TGFB1: variants seen among roughly 807,000 people sequenced by gnomAD.
TGFB1 encodes transforming growth factor beta-1 proprotein.
In TGFB1, 19 loss-of-function variants were observed where a neutral mutation model predicts 43.8. The ratio of observed to expected loss-of-function variants is 0.43; its 90% CI spans 0.30 to 0.64. The LOEUF is 0.64. Among genes scored for constraint, TGFB1 ranks in the 30% least tolerant of loss-of-function variants. The probability of loss-of-function intolerance (pLI) is 0.11; values close to 1 mark genes in which losing one functional copy is unlikely to be tolerated. For missense variants in TGFB1, 445 were observed against 529.8 expected, an observed-to-expected ratio of 0.84 and a Z score of 1.57; for synonymous variants, 221 against 236.3, an observed-to-expected ratio of 0.94 and a Z score of 0.60.
intron 1 of TGFB1, 62 bp downstream of exon 1, chr19:41,352,628 C>T: frequency 6.3e-7 from 1 of 1,582,616 alleles, no homozygotes; most frequent in Non-Finnish European, 8.6e-7. Context: ...CTACCCGTGG[C>T]CCCGGCACTC....
chr19:41,342,140 A>C (rs1255803768), intron 4 of TGFB1, 30 bp downstream of exon 4: 1 of 1,611,400 alleles, frequency 6.2e-7, no homozygotes, highest in South Asian at 1.1e-5. Context: ...ACACGTCACA[A>C]CTGGGCATGG....
At chr19:41,350,398 A>G (rs952455751) in intron 1 of TGFB1, among the ~76,000 whole-genome samples, 1 of 142,762 alleles carries the variant, frequency 7.0e-6, no homozygotes, top group Admixed American at 7.6e-5. Context: ...TCTGCCTCCC[A>G]GGTTCAAGCG....
rs11466331 is a variant in TGFB1 at position 41,343,590 on chromosome 19, T to G, written c.634+1157A>C. Reference sequence around the variant, plus strand: ...ACTTAGGGCGTTCCCCCATCCTGCATGCCTCCCTGTCCCAGCCTTGTCCTC... The same window carrying G: ...ACTTAGGGCGTTCCCCCATCCTGCAGGCCTCCCTGTCCCAGCCTTGTCCTC... On this transcript the variant is annotated intron_variant, in intron 3 of 6. Transcript: ENST00000221930. Among the ~76,000 whole-genome samples, 856 of 151,996 alleles carry G rather than the reference T, an allele frequency of 5.6e-3. 6 individuals carry two copies. Among genetic ancestry groups the G allele is most frequent in the African/African-American group, 0.02 (812 of 41,288 alleles).
intron 5 of TGFB1, among the ~76,000 whole-genome samples, chr19:41,333,931 G>A (rs553477822): frequency 6.6e-6 from 1 of 152,384 alleles, no homozygotes; most frequent in South Asian, 2.1e-4. Flanking sequence ...GACGCTGGAT[G>A]AGAGTTTACG....
intron 6 of TGFB1, 98 bp downstream of exon 6, chr19:41,332,030 G>T: frequency 1.4e-6 from 2 of 1,436,790 alleles, no homozygotes; most frequent in Non-Finnish European, 9.5e-7. Flanking sequence ...TCCCCATCCT[G>T]CCAACTCACC....
At position 41,349,562 on chromosome 19, in the gene TGFB1, G is replaced by C. The variant is rs2038158277; in HGVS notation, c.356-1107C>G. On this transcript the variant is annotated intron_variant, in intron 1 of 6. Coordinates refer to ENST00000221930, the MANE Select transcript of TGFB1 (RefSeq NM_000660.7). The stretch of plus-strand genomic sequence containing the variant: ...ACTTGAGGTCGGGAGTTCGAGACCA[G>C]CCTGGCCAACATGGTGAAACCCCGT... Among the ~76,000 whole-genome samples, 4 of 152,282 alleles carry C rather than the reference G, an allele frequency of 2.6e-5. No individual in the cohort carries two copies. In the South Asian group the frequency reaches 8.3e-4, roughly 32 times the overall value.
In TGFB1 at chr19:41,352,743, G is replaced by A. The variant is rs866580372; in HGVS notation, c.302C>T (p.Ala101Val). Residue 101 changes from alanine (A) to valine (V), a missense_variant, in exon 1 of 7, where the codon GCC becomes GTC. By Grantham distance (64) the Ala-to-Val change is moderately conservative. Coordinates refer to ENST00000221930, the MANE Select transcript of TGFB1 (RefSeq NM_000660.7). ...GGTGACCTCCTTGGCGTAGTAGTCGGCCTCAGGCTCGGGCTCCGGTTCTGC... is the reference window on the plus strand; with the variant it reads ...GGTGACCTCCTTGGCGTAGTAGTCGACCTCAGGCTCGGGCTCCGGTTCTGC... ...ESAEPEPEPE[A>V]DYYAKEVTRV... 1.9e-6 allele frequency: 3 copies of A among 1,613,392 alleles called. No homozygotes were observed. The highest frequency in any genetic ancestry group is 1.3e-5 in the African/African-American group (1 of 74,914).
At chr19:41,332,555 G>A (rs546766092) in intron 5 of TGFB1, among the ~76,000 whole-genome samples, 5 of 152,236 alleles carry the variant, frequency 3.3e-5, no homozygotes, top group East Asian at 3.9e-4. Context: ...GACCATCCAC[G>A]GGGGGGCTAA....
Position 41,353,012 on chromosome 19 carries a change from C to A in TGFB1, c.33G>T (p.Leu11=), listed in dbSNP as rs1236348560. The change falls in exon 1 of 7, where the codon CTG becomes CTT. Residue 11 remains leucine, a synonymous_variant. Coordinates refer to ENST00000221930, the MANE Select transcript of TGFB1 (RefSeq NM_000660.7). This position sits in a 1 kb window ranked among gnomAD's most constrained non-coding sequence, Gnocchi z 5.9. ...CCAGTAGCCACAGCAGCGGTAGCAG[C>A]AGCGGCAGCAGCCGCAGCCCGGAGG... The part of the protein sequence containing the change: MPPSGLRLLP[L]LLPLLWLLVL... The A allele has an allele frequency of 6.5e-7, 1 of 1,531,800 alleles. No individual in the cohort carries two copies. Among genetic ancestry groups the A allele is most frequent in the Admixed American group, 2.0e-5 (1 of 50,654 alleles). 94.9% of individuals were successfully genotyped at this position (1,531,800 alleles called of 1,614,324 possible).
chr19:41,340,419 T>C (rs1387576852), intron 5 of TGFB1, among the ~76,000 whole-genome samples: 1 of 151,870 alleles, frequency 6.6e-6, no homozygotes, highest in Non-Finnish European at 1.5e-5. Context: ...GTAGCTGGGA[T>C]TACAGGTGCC....
intron 2 of TGFB1, among the ~76,000 whole-genome samples, chr19:41,345,834 A>G (rs2038110256): frequency 6.6e-6 from 1 of 152,020 alleles, no homozygotes; most frequent in South Asian, 2.1e-4. Context: ...CCCAAGACAC[A>G]GAGGTTGCAG....
intron 3 of TGFB1, 58 bp downstream of exon 3, chr19:41,344,689 C>A (rs543029531): frequency 1.3e-6 from 2 of 1,538,690 alleles, no homozygotes; most frequent in Non-Finnish European, 1.8e-6. Flanking sequence ...GACCCCAGGA[C>A]AAACAATGGG....
intron 3 of TGFB1, among the ~76,000 whole-genome samples, chr19:41,342,994 T>C (rs2123100474): frequency 6.6e-6 from 1 of 152,240 alleles, no homozygotes; most frequent in South Asian, 2.1e-4. Flanking sequence ...TCTAGGCTCC[T>C]ACAATGTGCC....
intron 5 of TGFB1, among the ~76,000 whole-genome samples, chr19:41,339,457 T>C (rs1207132886): frequency 1.3e-5 from 2 of 150,178 alleles, no homozygotes; most frequent in South Asian, 2.2e-4. Flanking sequence ...CTAGGCAACA[T>C]TGGGTCCCTC....
At chr19:41,349,051 A>C (rs886148885) in intron 1 of TGFB1, among the ~76,000 whole-genome samples, 1 of 152,080 alleles carries the variant, frequency 6.6e-6, no homozygotes, top group Non-Finnish European at 1.5e-5. Context: ...AAGTCGACTA[A>C]GGCTGGCACC....
intron 5 of TGFB1, among the ~76,000 whole-genome samples, chr19:41,341,476 A>AAAAAAAAAC (rs2038054691): frequency 6.7e-6 from 1 of 149,488 alleles, no homozygotes; most frequent in Non-Finnish European, 1.5e-5. Context: ...CAAAAAAAAA[A>AAAAAAAAAC]AAAAAAAAAA....
At position 41,333,235 on chromosome 19, in the gene TGFB1, CAG is replaced by C. The variant is rs377548550; in HGVS notation, c.861-956_861-955del. 4.4e-3 allele frequency among the ~76,000 whole-genome samples: 480 copies of C among 108,384 alleles called. 4 individuals carry two copies. The highest frequency in any genetic ancestry group is 0.016 in the African/African-American group (423 of 26,912). The allele number at this position is 108,384 out of a possible 152,430, so 71.1% of individuals were successfully genotyped here. A position where few individuals can be genotyped will look rare whatever the true frequency, so the allele number is the denominator to read the frequency against. On this transcript the variant is annotated intron_variant, in intron 5 of 6. Transcript: ENST00000221930. ...TTTTTTTTTTTTTTTTTTTTTGAGA[CAG>C]AGTCTCACTCTGTCTGCCAGGCTGG...
At chr19:41,343,219 C>T (rs1414278687) in intron 3 of TGFB1, among the ~76,000 whole-genome samples, 1 of 150,980 alleles carries the variant, frequency 6.6e-6, no homozygotes, top group Non-Finnish European at 1.5e-5. Context: ...ACTGAAACCT[C>T]CACCTCCTGG....
At chr19:41,341,485 A>AAAAAAC in intron 5 of TGFB1, among the ~76,000 whole-genome samples, 1 of 150,222 alleles carries the variant, frequency 6.7e-6, no homozygotes, top group African/African-American at 2.4e-5. Flanking sequence ...AAAAAAAAAA[A>AAAAAAC]AAAAAAGGAA....
Sources: gnomAD v4.1 joint callset for allele counts (sites outside exome capture counted in the v4.1 genomes callset) on GRCh38, gnomAD v4.1.1 for gene constraint, Gnocchi (gnomAD v3.1) non-coding constraint, MANE v1.5 for transcripts, NCBI Gene and HGNC (gene_info 2026-07-23, HGNC 2026-07-21) for gene names.